Variants in SYT1 observed in about 807,000 individuals in gnomAD.
The protein encoded by SYT1 is synaptotagmin 1.
A neutral mutation model predicts 44.8 loss-of-function variants in SYT1; 8 were observed. The observed-to-expected ratio is 0.18, with a 90% CI of 0.10 to 0.32. SYT1 has a LOEUF of 0.32. Among genes scored for constraint, SYT1 ranks in the 10% least tolerant of loss-of-function variants. The pLI is 1.00. For synonymous variants in SYT1, 154 were observed against 188.8 expected, an observed-to-expected ratio of 0.82 and a Z score of 1.51; for missense variants, 286 against 509.3, an observed-to-expected ratio of 0.56 and a Z score of 4.22.
At chr12:78,916,232 C>A (rs182851781) in intron 1 of SYT1, among the ~76,000 whole-genome samples, 2 of 152,146 alleles carry the variant, frequency 1.3e-5, no homozygotes, top group East Asian at 3.9e-4. Context: ...ATAAGATTTT[C>A]TCTTATTTAA....
intron 4 of SYT1, among the ~76,000 whole-genome samples, chr12:79,258,714 AC>A (rs1298812411): frequency 6.6e-6 from 1 of 152,212 alleles, no homozygotes; most frequent in Non-Finnish European, 1.5e-5. Flanking sequence ...TGTAGAGGTT[AC>A]CCCTTAGGAA....
chr12:78,876,160 G>A (rs1874057157), intron 1 of SYT1, among the ~76,000 whole-genome samples: 2 of 151,570 alleles, frequency 1.3e-5, no homozygotes, highest in African/African-American at 4.8e-5. Context: ...ATCATTTTGT[G>A]TCGATTATCA....
intron 9 of SYT1, among the ~76,000 whole-genome samples, chr12:79,440,061 A>G (rs1380130350): frequency 6.6e-6 from 1 of 152,178 alleles, no homozygotes; most frequent in Non-Finnish European, 1.5e-5. Flanking sequence ...CCCCGTCTCT[A>G]CTAAAAATAC....
At chr12:79,031,214 C>T (rs1472159880) in intron 2 of SYT1, among the ~76,000 whole-genome samples, 1 of 151,028 alleles carries the variant, frequency 6.6e-6, no homozygotes, top group African/African-American at 2.4e-5. Context: ...TATTTGACTT[C>T]TCTCATGTTA....
chr12:79,041,655 C>T (rs1369551158), intron 2 of SYT1, among the ~76,000 whole-genome samples: 1 of 152,052 alleles, frequency 6.6e-6, no homozygotes, highest in Admixed American at 6.6e-5. Flanking sequence ...GAACTTCCAA[C>T]ACTATGTTGA....
intron 8 of SYT1, among the ~76,000 whole-genome samples, chr12:79,351,804 G>T (rs1170289544): frequency 2.0e-5 from 3 of 152,078 alleles, no homozygotes; most frequent in African/African-American, 7.2e-5. Flanking sequence ...ATTTATATTA[G>T]TGAAAGGGGG....
chr12:78,870,568 T>C (rs1487163351), intron 1 of SYT1, among the ~76,000 whole-genome samples: 2 of 152,110 alleles, frequency 1.3e-5, no homozygotes, highest in East Asian at 3.9e-4. Flanking sequence ...ATTCTTATTT[T>C]GCAATTGCTT....
intron 8 of SYT1, among the ~76,000 whole-genome samples, chr12:79,303,934 A>G (rs1370838944): frequency 1.3e-5 from 2 of 152,180 alleles, no homozygotes; most frequent in Non-Finnish European, 2.9e-5. Context: ...TCTCCACCCA[A>G]CGATCAATGC....
chr12:79,441,271 G>A (rs1187051843), intron 9 of SYT1, among the ~76,000 whole-genome samples: 1 of 152,096 alleles, frequency 6.6e-6, no homozygotes, highest in Non-Finnish European at 1.5e-5. Context: ...AACCTGCTCC[G>A]CTTTCAGCCC....
chr12:79,024,725 C>T (rs76466417), intron 2 of SYT1, among the ~76,000 whole-genome samples: 1,693 of 151,770 alleles, frequency 0.011, 34 homozygotes, highest in African/African-American at 0.039. Flanking sequence ...AATATCATTT[C>T]TGTAGGGGGA....
At chr12:79,084,385 A>G (rs983957092) in intron 3 of SYT1, among the ~76,000 whole-genome samples, 1 of 152,162 alleles carries the variant, frequency 6.6e-6, no homozygotes, top group African/African-American at 2.4e-5. Context: ...AACATACACT[A>G]GTCTCCAACT....
At chr12:79,371,791 G>A (rs1883802263) in intron 9 of SYT1, among the ~76,000 whole-genome samples, 1 of 152,168 alleles carries the variant, frequency 6.6e-6, no homozygotes, top group East Asian at 1.9e-4. Context: ...AAGTTTCATA[G>A]CATCTTACCT....
intron 3 of SYT1, among the ~76,000 whole-genome samples, chr12:79,210,422 C>A (rs889463140): frequency 6.6e-6 from 1 of 152,110 alleles, no homozygotes; most frequent in African/African-American, 2.4e-5. Context: ...TCCCAAGTCC[C>A]CAAAGTTTGT....
At chr12:79,028,110 G>A (rs749906565) in intron 2 of SYT1, among the ~76,000 whole-genome samples, 17 of 151,364 alleles carry the variant, frequency 1.1e-4, no homozygotes, top group Non-Finnish European at 2.4e-4. Context: ...AAAAACACGT[G>A]GTTAATTTTG....
At chr12:78,876,834 T>TACATATA (rs1491563267) in intron 1 of SYT1, among the ~76,000 whole-genome samples, 155 of 3,376 alleles carry the variant, frequency 0.046, 4 homozygotes, top group East Asian at 0.19. Flanking sequence ...TTATATGTAT[T>TACATATA]ATATATAATA....
intron 2 of SYT1, among the ~76,000 whole-genome samples, chr12:79,005,658 G>A (rs753536021): frequency 5.9e-5 from 9 of 151,930 alleles, no homozygotes; most frequent in South Asian, 2.1e-4. Flanking sequence ...AAATAGACAC[G>A]GCCCCTACAT....
chr12:79,422,816 CCT>C (rs1158327950), intron 9 of SYT1, among the ~76,000 whole-genome samples: 5 of 151,912 alleles, frequency 3.3e-5, no homozygotes, highest in African/African-American at 9.7e-5. Flanking sequence ...TTATTGAGCC[CCT>C]CTCCTTTGCA....
At chr12:79,053,018 A>G (rs1874635883) in intron 3 of SYT1, among the ~76,000 whole-genome samples, 1 of 152,196 alleles carries the variant, frequency 6.6e-6, no homozygotes, top group Non-Finnish European at 1.5e-5. Context: ...TATACACCCA[A>G]AGGATTATAA....
At chr12:79,206,057 A>G (rs980882638) in intron 3 of SYT1, among the ~76,000 whole-genome samples, 1 of 152,212 alleles carries the variant, frequency 6.6e-6, no homozygotes, top group Non-Finnish European at 1.5e-5. Context: ...AAATGGTTTC[A>G]TATAATTTGA....
Sources: allele counts gnomAD v4.1 joint callset (sites outside exome capture counted in the v4.1 genomes callset), GRCh38; gene constraint gnomAD v4.1.1; transcripts MANE v1.5; gene names NCBI Gene and HGNC (gene_info 2026-07-23, HGNC 2026-07-21).